The following LRFN2 variants were observed in gnomAD, a reference collection of about 807,000 sequenced individuals.
LRFN2 encodes the protein leucine rich repeat and fibronectin type III domain containing 2, also known as leucine-rich repeat and fibronectin type-III domain-containing protein 2.
LRFN2 carries 18 observed loss-of-function variants against 37.3 expected under a neutral mutation model. That is an observed-to-expected ratio of 0.48 (90% CI 0.33 to 0.72). LRFN2 has a LOEUF of 0.72. Among genes scored for constraint, LRFN2 ranks in the 30% least tolerant of loss-of-function variants. The pLI is 0.02. For synonymous variants in LRFN2, 556 were observed against 466.6 expected, an observed-to-expected ratio of 1.19 and a Z score of -2.47; for missense variants, 1,006 against 1,060.7, an observed-to-expected ratio of 0.95 and a Z score of 0.72.
rs115208631 is a variant in LRFN2 at position 40,423,519 on chromosome 6, A to G, written c.1400+8195T>C. Among the ~76,000 whole-genome samples the G allele has an allele frequency of 8.6e-3, 1,310 of 152,326 alleles. 18 individuals are homozygous for G. The highest frequency in any genetic ancestry group is 0.029 in the African/African-American group (1,198 of 41,554). On this transcript the variant is annotated intron_variant, in intron 2 of 2. Coordinates refer to ENST00000338305, the MANE Select transcript of LRFN2 (RefSeq NM_020737.3). ...AAAGGAATCTCTGTTCTCATTTTAC[A>G]TATAAGAAAATAAAGATGGAGAGCA... is the stretch of plus-strand genomic sequence containing the variant.
intron 1 of LRFN2, among the ~76,000 whole-genome samples, chr6:40,556,753 G>A (rs63118462): frequency 0.46 from 49,030 of 106,580 alleles, 8,953 homozygotes; most frequent in African/African-American, 0.6. Flanking sequence ...ACACACACAC[G>A]CACACACTCC....
intron 1 of LRFN2, among the ~76,000 whole-genome samples, chr6:40,442,403 G>A (rs1763858154): frequency 6.6e-6 from 1 of 152,216 alleles, no homozygotes; most frequent in Admixed American, 6.5e-5. Context: ...AAAGGTCACT[G>A]TGGCTAGACT....
chr6:40,553,778 T>C (rs1043663006), intron 1 of LRFN2, among the ~76,000 whole-genome samples: 2 of 152,222 alleles, frequency 1.3e-5, no homozygotes, highest in Non-Finnish European at 2.9e-5. Context: ...GTGGATAATA[T>C]AGGCTTTATT....
intron 1 of LRFN2, among the ~76,000 whole-genome samples, chr6:40,440,907 C>T (rs1763819816): frequency 6.6e-6 from 1 of 152,182 alleles, no homozygotes; most frequent in South Asian, 2.1e-4. Flanking sequence ...CACTCAAATC[C>T]TTATTTCAAA....
At chr6:40,567,279 C>T (rs1581798187) in intron 1 of LRFN2, among the ~76,000 whole-genome samples, 1 of 152,160 alleles carries the variant, frequency 6.6e-6, no homozygotes, top group South Asian at 2.1e-4. Flanking sequence ...AAGAAAAAGG[C>T]ACTTTTTCTC....
intron 1 of LRFN2, among the ~76,000 whole-genome samples, chr6:40,583,912 T>C (rs1767452748): frequency 6.6e-6 from 1 of 152,120 alleles, no homozygotes; most frequent in Admixed American, 6.6e-5. Context: ...CATTCAAACC[T>C]CAGACAGGAA....
chr6:40,512,443 C>A (rs941955288), intron 1 of LRFN2, among the ~76,000 whole-genome samples: 16 of 152,196 alleles, frequency 1.1e-4, no homozygotes, highest in Non-Finnish European at 1.9e-4. Context: ...ATCTTCTAAT[C>A]AAAGGCATCT....
At chr6:40,445,866 G>A (rs757452887) in intron 1 of LRFN2, among the ~76,000 whole-genome samples, 9 of 152,122 alleles carry the variant, frequency 5.9e-5, no homozygotes, top group Non-Finnish European at 1.2e-4. Context: ...CTGTAAAATC[G>A]AATAATCTTA....
At chr6:40,549,471 A>G (rs1766728403) in intron 1 of LRFN2, among the ~76,000 whole-genome samples, 1 of 152,248 alleles carries the variant, frequency 6.6e-6, no homozygotes, top group South Asian at 2.1e-4. Context: ...ATGGCTTTCA[A>G]CAAAAAGTAA....
At chr6:40,492,694 AG>A (rs1273834947) in intron 1 of LRFN2, among the ~76,000 whole-genome samples, 1 of 152,080 alleles carries the variant, frequency 6.6e-6, no homozygotes, top group Non-Finnish European at 1.5e-5. Context: ...CATGGCAGCC[AG>A]GGGCACCTCC....
At chr6:40,517,846 G>A (rs1000255431) in intron 1 of LRFN2, among the ~76,000 whole-genome samples, 1 of 152,140 alleles carries the variant, frequency 6.6e-6, no homozygotes, top group Non-Finnish European at 1.5e-5. Flanking sequence ...AACTCCATTA[G>A]TACGGACAAT....
rs147506870 is a variant in LRFN2 at position 40,392,570 on chromosome 6, G to A, written c.1743C>T (p.Gly581=). The part of the protein sequence containing the change: ...AVSNVYSQTN[G]AQPPPPSSAP... ...CGCTGCTTGGAGGCGGTGGCTGGGC[G>A]CCGTTGGTCTGCGAGTACACATTGC... is the stretch of plus-strand genomic sequence containing the variant. Residue 581 remains glycine (G), a synonymous_variant, in exon 3 of 3, where the codon GGC becomes GGT. Transcript: ENST00000338305. This position sits in a 1 kb window ranked among gnomAD's most constrained non-coding sequence, Gnocchi z 4.7. 54 of 1,604,808 alleles carry A rather than the reference G, an allele frequency of 3.4e-5. No individual in the cohort carries two copies. In the African/African-American group the frequency reaches 4.9e-4, roughly 15 times the overall value.
Position 40,415,327 on chromosome 6 carries a change from G to A in LRFN2, c.1400+16387C>T, listed in dbSNP as rs574102192. On this transcript the variant is annotated intron_variant, in intron 2 of 2. Coordinates refer to ENST00000338305, the MANE Select transcript of LRFN2 (RefSeq NM_020737.3). ...TGCAACCTCCACCTCCTGGGTTCATGTGACTCTCCTGCCTCAGCCCCCCAA... is the reference window on the plus strand; with the variant it reads ...TGCAACCTCCACCTCCTGGGTTCATATGACTCTCCTGCCTCAGCCCCCCAA... 7.9e-5 allele frequency among the ~76,000 whole-genome samples: 12 copies of A among 152,246 alleles called. No individual in the cohort carries two copies. The East Asian group carries it at 1.4e-3, about 17-fold the overall frequency.
chr6:40,494,962 A>G (rs139978053), intron 1 of LRFN2, among the ~76,000 whole-genome samples: 2 of 152,248 alleles, frequency 1.3e-5, no homozygotes, highest in East Asian at 3.9e-4. Flanking sequence ...CTTCATGCTC[A>G]CCTGGAAATC....
In LRFN2 at chr6:40,577,792, T is replaced by A. The variant is rs867258841; in HGVS notation, c.-19+9149A>T. On this transcript the variant is annotated intron_variant, in intron 1 of 2. Transcript: ENST00000338305. ...GTATAATAAAAAAAAAAGGAAAAAA[T>A]AAATAAATAAATAAATAAAAATTAA... Among the ~76,000 whole-genome samples, 340 of 96,074 alleles carry A rather than the reference T, an allele frequency of 3.5e-3. 1 individual carries two copies. Among genetic ancestry groups the A allele is most frequent in the African/African-American group, 0.012 (283 of 23,476 alleles). 63.0% of individuals were successfully genotyped at this position (96,074 alleles called of 152,430 possible). A position where few individuals can be genotyped will look rare whatever the true frequency, so the allele number is the denominator to read the frequency against.
At chr6:40,422,542 C>T (rs1048737625) in intron 2 of LRFN2, among the ~76,000 whole-genome samples, 63 of 151,926 alleles carry the variant, frequency 4.1e-4, no homozygotes, top group African/African-American at 1.4e-3. Context: ...GTCAGAATGC[C>T]TGAGTTCCAT....
intron 1 of LRFN2, among the ~76,000 whole-genome samples, chr6:40,519,306 T>C (rs900139771): frequency 1.3e-5 from 2 of 152,232 alleles, no homozygotes; most frequent in East Asian, 1.9e-4. Flanking sequence ...CTGGTCTATA[T>C]TGATAAGCAG....
intron 1 of LRFN2, among the ~76,000 whole-genome samples, chr6:40,493,167 C>T (rs963736853): frequency 2.6e-5 from 4 of 152,072 alleles, no homozygotes; most frequent in Non-Finnish European, 5.9e-5. Flanking sequence ...CACTGAGACC[C>T]GAGCCAAGGC....
At chr6:40,467,117 T>C (rs370363466) in intron 1 of LRFN2, among the ~76,000 whole-genome samples, 3 of 152,226 alleles carry the variant, frequency 2.0e-5, no homozygotes, top group East Asian at 1.9e-4. Flanking sequence ...TTTGTTTTGG[T>C]AGACCTAGCA....
Sources: gnomAD v4.1 joint callset for allele counts (sites outside exome capture counted in the v4.1 genomes callset) on GRCh38, gnomAD v4.1.1 for gene constraint, Gnocchi (gnomAD v3.1) non-coding constraint, MANE v1.5 for transcripts, NCBI Gene and HGNC (gene_info 2026-07-23, HGNC 2026-07-21) for gene names.